The following BAIAP2 variants were observed in gnomAD, a reference collection of about 807,000 sequenced individuals.
BAIAP2 encodes the protein BAR/IMD domain containing adaptor protein 2, also known as BAR/IMD domain-containing adapter protein 2.
Under a neutral mutation model 63.0 loss-of-function variants are expected in BAIAP2, and 18 were observed. The observed-to-expected ratio is 0.29, with a 90% CI of 0.20 to 0.42. The LOEUF (loss-of-function observed/expected upper bound fraction) is 0.42. BAIAP2 is among the 10% of genes least tolerant of loss of function. The pLI is 1.00. For synonymous variants in BAIAP2, 386 were observed against 307.6 expected (o/e 1.25, Z -2.67); for missense variants, 610 against 734.3 (o/e 0.83, Z 1.96).
Position 81,116,054 on chromosome 17 carries a change from TGGGCTGCCCAGGGCTGAGGGGCC to T in BAIAP2, c.*217_*239del, listed in dbSNP as rs1376508296. Reference sequence around the variant, plus strand: ...CCCCTGAAGGGCGAGACCCAGTGGCTGGGCTGCCCAGGGCTGAGGGGCCGCCTCTTGAGGGTACACGCCTCTGG... The same window carrying T: ...CCCCTGAAGGGCGAGACCCAGTGGCTGCCTCTTGAGGGTACACGCCTCTGG... On this transcript the variant is annotated 3_prime_UTR_variant, in exon 14 of 14. Coordinates refer to ENST00000428708, the MANE Select transcript of BAIAP2 (RefSeq NM_001144888.2). 1.0e-5 allele frequency: 15 copies of T among 1,462,450 alleles called. No individual in the cohort carries two copies. The highest frequency in any genetic ancestry group is 2.5e-5 in the East Asian group (1 of 40,536). The allele number at this position is 1,462,450 out of a possible 1,614,324, so 90.6% of individuals were successfully genotyped here.
chr17:81,054,593 A>G (rs1037625584), intron 2 of BAIAP2, among the ~76,000 whole-genome samples: 2 of 152,110 alleles, frequency 1.3e-5, no homozygotes, highest in African/African-American at 4.8e-5. Context: ...TCATGTAGAA[A>G]CTGTGGGATC....
intron 1 of BAIAP2, among the ~76,000 whole-genome samples, chr17:81,040,662 C>T (rs745811104): frequency 5.9e-5 from 9 of 152,254 alleles, no homozygotes; most frequent in Non-Finnish European, 7.3e-5. Flanking sequence ...GAATCACTGT[C>T]CCGCCTTTGC....
intron 3 of BAIAP2, among the ~76,000 whole-genome samples, chr17:81,078,966 G>T (rs2145088279): frequency 6.6e-6 from 1 of 152,274 alleles, no homozygotes; most frequent in South Asian, 2.1e-4. Context: ...AAGACCTGGG[G>T]GGAGTGAGAC....
chr17:81,092,550 T>C (rs1452665145), intron 6 of BAIAP2, among the ~76,000 whole-genome samples: 8 of 151,956 alleles, frequency 5.3e-5, no homozygotes, highest in Admixed American at 2.0e-4. Flanking sequence ...GTTCAAGAAC[T>C]GCTTGTAATT....
chr17:81,106,662 C>T (rs578030905), intron 11 of BAIAP2, 83 bp from the exon 12 acceptor site: 142 of 1,532,210 alleles, frequency 9.3e-5, no homozygotes, highest in African/African-American at 4.4e-4. Context: ...TAGGTGAGGG[C>T]GGGCAGTCCA....
intron 1 of BAIAP2, among the ~76,000 whole-genome samples, chr17:81,048,495 C>A (rs763379526): frequency 6.6e-6 from 1 of 152,124 alleles, no homozygotes; most frequent in African/African-American, 2.4e-5. Context: ...CCCTTTGTTC[C>A]CCAAGTTGGG....
chr17:81,085,543 A>C, intron 4 of BAIAP2, 111 bp from the exon 5 acceptor site: 1 of 894,892 alleles, frequency 1.1e-6, no homozygotes, highest in Non-Finnish European at 1.8e-6. Context: ...CCCCTCCTGC[A>C]CAGCCGGGAC....
At chr17:81,085,095 A>G (rs998950013) in intron 4 of BAIAP2, 12 of 605,564 alleles carry the variant, frequency 2.0e-5, no homozygotes, top group Non-Finnish European at 3.2e-5. Context: ...CCGCGGCCGC[A>G]TGTTTCACTG....
At position 81,104,105 on chromosome 17, in the gene BAIAP2, A is replaced by C; in HGVS notation, c.1063A>C (p.Thr355Pro). ...KSVTPKNSYA[T>P]TENKTLPRSS... ...CGTGACCCCAAAAAACAGCTATGCCACCAGTAAGGGCTCCGCTGGGGTGTT... is the reference window on the plus strand; with the variant it reads ...CGTGACCCCAAAAAACAGCTATGCCCCCAGTAAGGGCTCCGCTGGGGTGTT... Residue 355 changes from threonine to proline, a missense_variant, in exon 9 of 14, where the codon ACC becomes CCC. By Grantham distance (38) the Thr-to-Pro change is conservative. Around this residue, in one of 5 missense-constraint regions of BAIAP2, gnomAD observed 67 missense variants for 132.0 expected, o/e 0.51. Coordinates refer to ENST00000428708, the MANE Select transcript of BAIAP2 (RefSeq NM_001144888.2). The C allele has an allele frequency of 1.2e-6, 2 of 1,613,148 alleles. No individual in the cohort carries two copies. The highest frequency in any genetic ancestry group is 1.7e-6 in the Non-Finnish European group (2 of 1,179,952).
intron 3 of BAIAP2, among the ~76,000 whole-genome samples, chr17:81,074,366 CTG>C (rs368314919): frequency 7.0e-4 from 104 of 149,384 alleles, no homozygotes; most frequent in African/African-American, 1.0e-3. Context: ...ACATGTGTCA[CTG>C]TGTGTGCGTG....
chr17:81,063,346 G>T (rs751359887), intron 3 of BAIAP2, among the ~76,000 whole-genome samples: 1 of 152,214 alleles, frequency 6.6e-6, no homozygotes, highest in Non-Finnish European at 1.5e-5. Context: ...TGTCATCTGT[G>T]TTCTTGCCAC....
At position 81,099,986 on chromosome 17, in the gene BAIAP2, A is replaced by G. The variant is rs2058271884; in HGVS notation, c.548A>G (p.Tyr183Cys). The change falls in exon 7 of 14, where the codon TAC becomes TGC. Residue 183 changes from tyrosine to cysteine, a missense_variant. Physicochemically the swap from Tyr to Cys is radical, Grantham distance 194. Transcript: ENST00000428708. The part of the protein sequence containing the change: ...GELENYVSDG[Y>C]KTALTEERRR... ...CTGGAGAATTACGTGTCCGACGGCTACAAGACCGCACTGACAGAGGAGCGC... is the reference window on the plus strand; with the variant it reads ...CTGGAGAATTACGTGTCCGACGGCTGCAAGACCGCACTGACAGAGGAGCGC... The G allele has an allele frequency of 4.3e-6, 7 of 1,613,316 alleles. No homozygotes were observed. Among genetic ancestry groups the G allele is most frequent in the African/African-American group, 2.7e-5 (2 of 74,944 alleles).
intron 13 of BAIAP2, chr17:81,109,074 A>G (rs2059554205): frequency 1.3e-6 from 2 of 1,500,354 alleles, no homozygotes; most frequent in South Asian, 2.5e-5. Flanking sequence ...TTTCCTCCTC[A>G]GCTCTCGCTG....
At chr17:81,081,550 C>T (rs946518484) in intron 3 of BAIAP2, among the ~76,000 whole-genome samples, 4 of 152,180 alleles carry the variant, frequency 2.6e-5, no homozygotes, top group African/African-American at 9.7e-5. Context: ...CTGCCCTGGG[C>T]AGCGCCTGCT....
At chr17:81,040,098 C>T (rs752259660) in intron 1 of BAIAP2, among the ~76,000 whole-genome samples, 1 of 152,214 alleles carries the variant, frequency 6.6e-6, no homozygotes, top group Non-Finnish European at 1.5e-5. Flanking sequence ...TGGGTGGGGA[C>T]ACTCGCCACC....
rs755171519 is a variant in BAIAP2, at chr17:81,084,828, C to T, written c.218-4C>T. The T allele has an allele frequency of 1.9e-6, 3 of 1,613,528 alleles. No individual in the cohort carries two copies. Among genetic ancestry groups the T allele is most frequent in the Non-Finnish European group, 2.5e-6 (3 of 1,179,984 alleles). On this transcript the variant is annotated splice_polypyrimidine_tract_variant and splice_region_variant and intron_variant, in intron 3 of 13. Coordinates refer to ENST00000428708, the MANE Select transcript of BAIAP2 (RefSeq NM_001144888.2). Reference sequence around the variant, plus strand: ...CCCCTTCCTTCTGCTGTTCTGCTTCCCAGGAGACGTTCTCTTCCAGATGGC... The same window carrying T: ...CCCCTTCCTTCTGCTGTTCTGCTTCTCAGGAGACGTTCTCTTCCAGATGGC...
intron 3 of BAIAP2, among the ~76,000 whole-genome samples, chr17:81,058,856 TC>T (rs150726251): frequency 0.089 from 13,541 of 152,062 alleles, 705 homozygotes; most frequent in East Asian, 0.24. Context: ...TTTCTACTTT[TC>T]TTCTCGGGGA....
chr17:81,089,923 C>A (rs1330326633), intron 6 of BAIAP2, among the ~76,000 whole-genome samples: 7 of 152,170 alleles, frequency 4.6e-5, no homozygotes, highest in African/African-American at 1.7e-4. Flanking sequence ...TACAGAGACG[C>A]TTGGCGAGCC....
chr17:81,102,833 C>T (rs541727595), intron 7 of BAIAP2, among the ~76,000 whole-genome samples: 1 of 152,330 alleles, frequency 6.6e-6, no homozygotes, highest in East Asian at 1.9e-4. Context: ...AATCCAGGCC[C>T]TGCAGCCTGC....
Sources: gnomAD v4.1 joint callset for allele counts (sites outside exome capture counted in the v4.1 genomes callset) on GRCh38, gnomAD v4.1.1 for gene constraint, gnomAD v4.1.1 regional missense constraint, MANE v1.5 for transcripts, NCBI Gene and HGNC (gene_info 2026-07-23, HGNC 2026-07-21) for gene names.